SCFD1: variants seen among roughly 807,000 people sequenced by gnomAD.
The protein encoded by SCFD1 is sec1 family domain-containing protein 1.
A neutral mutation model predicts 103.2 loss-of-function variants in SCFD1; 37 were observed. The ratio of observed to expected loss-of-function variants is 0.36; its 90% CI spans 0.28 to 0.47. The LOEUF is 0.47. SCFD1 is among the 20% of genes least tolerant of loss of function. SCFD1 has a pLI of 1.00. For missense variants in SCFD1, 639 were observed against 761.2 expected (o/e 0.84, Z 1.89); for synonymous variants, 264 against 245.0 (o/e 1.08, Z -0.73).
At chr14:30,716,051 C>A in intron 20 of SCFD1, 74 bp downstream of exon 20, 1 of 836,258 alleles carries the variant, frequency 1.2e-6, no homozygotes, top group Admixed American at 2.2e-5. Flanking sequence ...AGGATAAAAT[C>A]AGATTGAGTT....
At position 30,708,009 on chromosome 14, in the gene SCFD1, A is replaced by G. The variant is rs747439701; in HGVS notation, c.1573A>G (p.Asn525Asp). ...KPMGLLSRVMNTGSQFVMEGV... is the reference protein window; with the variant it reads ...KPMGLLSRVMDTGSQFVMEGV... ...ACCTAGTCTTTTATCACGAGTCATG[A>G]ATACAGGATCACAGTTTGTGATGGA... Residue 525 changes from asparagine (N) to aspartate (D), a missense_variant, in exon 19 of 25, where the codon AAT (asparagine) becomes GAT (aspartate). By Grantham distance (23) the Asn-to-Asp change is conservative (BLOSUM62 1). Coordinates refer to ENST00000458591, the MANE Select transcript of SCFD1 (RefSeq NM_016106.4). The G allele has an allele frequency of 6.2e-7, 1 of 1,613,178 alleles. No homozygotes were observed. Among genetic ancestry groups the G allele is most frequent in the South Asian group, 1.1e-5 (1 of 91,076 alleles).
intron 14 of SCFD1, among the ~76,000 whole-genome samples, chr14:30,693,076 T>C (rs1566636129): frequency 2.0e-5 from 3 of 152,188 alleles, no homozygotes; most frequent in Non-Finnish European, 4.4e-5. Context: ...ATAGAGTAGC[T>C]AAAATAGTTC....
intron 18 of SCFD1, 36 bp from the exon 19 acceptor site, chr14:30,707,954 T>C (rs1207952595): frequency 7.1e-7 from 1 of 1,407,672 alleles, no homozygotes; most frequent in East Asian, 2.3e-5. Context: ...AGGCACTTTG[T>C]ACTTAGAATG....
At chr14:30,628,394 G>A (rs898352349) in intron 2 of SCFD1, 115 bp downstream of exon 2, 12 of 637,114 alleles carry the variant, frequency 1.9e-5, no homozygotes, top group Middle Eastern at 5.1e-4. Flanking sequence ...TATCATGAAT[G>A]TTTTATCCTT....
rs116839017 is a variant in SCFD1 at position 30,683,467 on chromosome 14, T to G, written c.1242+8402T>G. 394 of 448,312 alleles carry G rather than the reference T, an allele frequency of 8.8e-4. 2 individuals are homozygous for G. Among genetic ancestry groups the G allele is most frequent in the African/African-American group, 7.3e-3 (363 of 49,466 alleles). The allele number at this position is 448,312 out of a possible 1,614,324, so 27.8% of individuals were successfully genotyped here. A position where few individuals can be genotyped will look rare whatever the true frequency, so the allele number is the denominator to read the frequency against. ...TCAGGGAAGGCAGAAATGCCCTTGC[T>G]GCCACACATTATGAGTCATGAGCTC... On this transcript the variant is annotated intron_variant, in intron 14 of 24. Transcript: ENST00000458591.
At chr14:30,641,840 T>G (rs562759991) in intron 6 of SCFD1, among the ~76,000 whole-genome samples, 2 of 152,288 alleles carry the variant, frequency 1.3e-5, no homozygotes, top group South Asian at 4.1e-4. Flanking sequence ...GGTATTAAAT[T>G]TTATATGTGT....
intron 1 of SCFD1, 135 bp downstream of exon 1, chr14:30,622,534 T>G (rs1479039138): frequency 7.2e-7 from 1 of 1,396,388 alleles, no homozygotes; most frequent in East Asian, 2.6e-5. Flanking sequence ...CCCTCCCCTT[T>G]GAGTTTTTGG....
intron 14 of SCFD1, 23 bp downstream of exon 14, chr14:30,675,088 C>A (rs200252965): frequency 2.0e-5 from 26 of 1,320,598 alleles, no homozygotes; most frequent in South Asian, 9.5e-5. Context: ...TTTTCCCCCC[C>A]ACAATATGAC....
At chr14:30,678,815 A>C (rs912395138) in intron 14 of SCFD1, among the ~76,000 whole-genome samples, 9 of 152,186 alleles carry the variant, frequency 5.9e-5, no homozygotes, top group Admixed American at 1.3e-4. Context: ...ATAAGCTATC[A>C]ATAAACTTTG....
intron 8 of SCFD1, among the ~76,000 whole-genome samples, 159 bp from the exon 9 acceptor site, chr14:30,650,406 T>C (rs191077747): frequency 7.9e-4 from 121 of 152,342 alleles, no homozygotes; most frequent in African/African-American, 2.6e-3. Flanking sequence ...TATGATGATA[T>C]GGAAGTGGTA....
At position 30,653,915 on chromosome 14, in the gene SCFD1, T is replaced by C. The variant is rs574879404; in HGVS notation, c.855+327T>C. 9 of 167,274 alleles carry C rather than the reference T, an allele frequency of 5.4e-5. No individual in the cohort carries two copies. The South Asian group carries it at 1.5e-3, about 27-fold the overall frequency. The allele number at this position is 167,274 out of a possible 1,614,324, so 10.4% of individuals were successfully genotyped here. A position where few individuals can be genotyped will look rare whatever the true frequency, so the allele number is the denominator to read the frequency against. On this transcript the variant is annotated intron_variant, in intron 10 of 24. Coordinates refer to ENST00000458591, the MANE Select transcript of SCFD1 (RefSeq NM_016106.4). ...TAACCGAATAAGTAAATAAATGTGT[T>C]CTCCCTTAGGAGAAAAGCAGTAATT... is the stretch of plus-strand genomic sequence containing the variant.
chr14:30,720,093 A>T lies in SCFD1; in HGVS notation c.1736+716A>T, dbSNP rs147811446. On this transcript the variant is annotated intron_variant, in intron 21 of 24. Transcript: ENST00000458591. ...ATCTTCAGAACTTTACATTTGCTGTATCCCAAGCTTTCGTATCTTTGTAGA... is the reference window on the plus strand; with the variant it reads ...ATCTTCAGAACTTTACATTTGCTGTTTCCCAAGCTTTCGTATCTTTGTAGA... Among the ~76,000 whole-genome samples, 84 of 152,302 alleles carry T rather than the reference A, an allele frequency of 5.5e-4. 1 individual carries two copies. The highest frequency in any genetic ancestry group is 2.0e-3 in the African/African-American group (83 of 41,558).
At chr14:30,647,274 C>T (rs1885931709) in intron 7 of SCFD1, among the ~76,000 whole-genome samples, 2 of 152,012 alleles carry the variant, frequency 1.3e-5, no homozygotes, top group Non-Finnish European at 2.9e-5. Flanking sequence ...AAATTAAGAA[C>T]TACCATGTAT....
Position 30,650,616 on chromosome 14 carries a change from T to C in SCFD1, c.721T>C (p.Phe241Leu). The part of the protein sequence containing the change: ...ENLRDARNSL[F>L]TGDTLGAGQF... ...TCTAAGAGATGCAAGAAACAGTCTT[T>C]TTACAGGTGATACACTTGGAGCTGG... The change falls in exon 9 of 25, where the codon TTT becomes CTT. Residue 241 changes from phenylalanine (F) to leucine (L), a missense_variant. Transcript: ENST00000458591. 2 of 1,609,992 alleles carry C rather than the reference T, an allele frequency of 1.2e-6. No homozygotes were observed. The highest frequency in any genetic ancestry group is 1.7e-6 in the Non-Finnish European group (2 of 1,176,702).
At chr14:30,653,659 A>G in intron 10 of SCFD1, 71 bp downstream of exon 10, 2 of 1,051,962 alleles carry the variant, frequency 1.9e-6, no homozygotes, top group Non-Finnish European at 2.9e-6. Flanking sequence ...TTTAAAATTA[A>G]CATCATGGCT....
intron 8 of SCFD1, among the ~76,000 whole-genome samples, chr14:30,649,796 G>T (rs1886227913): frequency 6.6e-6 from 1 of 152,146 alleles, no homozygotes; most frequent in African/African-American, 2.4e-5. Context: ...TTACTCCGGT[G>T]TGCTATTCCA....
chr14:30,721,731 A>G (rs548870074), intron 21 of SCFD1, 153 bp from the exon 22 acceptor site: 4 of 631,308 alleles, frequency 6.3e-6, no homozygotes, highest in African/African-American at 5.8e-5. Context: ...TACCTGGCTC[A>G]GCAAAATTAA....
intron 9 of SCFD1, chr14:30,652,460 A>G (rs962520946): frequency 5.3e-5 from 8 of 152,178 alleles, no homozygotes; most frequent in African/African-American, 1.9e-4. Flanking sequence ...TTATAGTGGT[A>G]TAGCGTTTTT....
chr14:30,713,111 T>G (rs936333504), intron 19 of SCFD1, among the ~76,000 whole-genome samples: 1 of 152,214 alleles, frequency 6.6e-6, no homozygotes, highest in African/African-American at 2.4e-5. Flanking sequence ...TAATTGATTT[T>G]TTTTAATGAT....
Sources: gnomAD v4.1 joint callset for allele counts (sites outside exome capture counted in the v4.1 genomes callset) on GRCh38, gnomAD v4.1.1 for gene constraint, MANE v1.5 for transcripts, NCBI Gene and HGNC (gene_info 2026-07-23, HGNC 2026-07-21) for gene names.